Variants in EFHD2 observed in about 807,000 individuals in gnomAD.
The protein encoded by EFHD2 is EF-hand domain-containing protein D2.
In EFHD2, 12 loss-of-function variants were observed where a neutral mutation model predicts 20.3. The ratio of observed to expected loss-of-function variants is 0.59; its 90% CI spans 0.38 to 0.96. The LOEUF (loss-of-function observed/expected upper bound fraction) is 0.96, where lower values mean the gene tolerates loss of function less well. Ranked by LOEUF, EFHD2 falls within the 40% of genes least tolerant of loss-of-function variation. EFHD2 has a pLI of 0.00. For synonymous variants in EFHD2, 131 were observed against 143.9 expected, an observed-to-expected ratio of 0.91 and a Z score of 0.64; for missense variants, 250 against 334.3, an observed-to-expected ratio of 0.75 and a Z score of 1.97.
rs57589251 is a variant in EFHD2, at chr1:15,417,981, CTTTTTTT to C, written c.308+7722_308+7728del. Among the ~76,000 whole-genome samples the C allele has an allele frequency of 8.6e-3, 836 of 97,046 alleles. 7 individuals carry two copies. Among genetic ancestry groups the C allele is most frequent in the Non-Finnish European group, 0.014 (660 of 48,566 alleles). 63.7% of individuals were successfully genotyped at this position (97,046 alleles called of 152,430 possible). A position where few individuals can be genotyped will look rare whatever the true frequency, so the allele number is the denominator to read the frequency against. On this transcript the variant is annotated intron_variant, in intron 1 of 3. Transcript: ENST00000375980. ...ACGAGGAGCAACTTTCTTTCTTTTT[CTTTTTTT>C]TTTTTTTTTTTTTTTTTTTGAGACA...
rs1707922864 is a variant in EFHD2, at chr1:15,429,099, C to T, written c.*375C>T. ...TGCCCTCCACACATCCCTGTCCCCC[C>T]AACCCGGGAACCCCTGCCCTCCTCC... On this transcript the variant is annotated 3_prime_UTR_variant, in exon 4 of 4. Transcript: ENST00000375980. The T allele has an allele frequency of 2.1e-5, 5 of 233,326 alleles. 1 individual carries two copies. Among genetic ancestry groups the T allele is most frequent in the South Asian group, 1.5e-4 (3 of 19,586 alleles). 14.5% of individuals were successfully genotyped at this position (233,326 alleles called of 1,614,324 possible). A position where few individuals can be genotyped will look rare whatever the true frequency, so the allele number is the denominator to read the frequency against.
At chr1:15,412,036 C>T (rs1707536470) in intron 1 of EFHD2, among the ~76,000 whole-genome samples, 1 of 152,076 alleles carries the variant, frequency 6.6e-6, no homozygotes, top group Admixed American at 6.5e-5. Flanking sequence ...CCTTGACCCC[C>T]GGCCCCTCTG....
intron 1 of EFHD2, among the ~76,000 whole-genome samples, chr1:15,420,911 G>A (rs909754756): frequency 3.3e-5 from 5 of 152,060 alleles, no homozygotes; most frequent in African/African-American, 1.2e-4. Context: ...CAAAGTGCTG[G>A]CATTATAGAC....
At chr1:15,421,119 G>T (rs1037999561) in intron 1 of EFHD2, among the ~76,000 whole-genome samples, 1 of 152,130 alleles carries the variant, frequency 6.6e-6, no homozygotes, top group Non-Finnish European at 1.5e-5. Context: ...TGATCTCCAT[G>T]ATGTAGATGA....
chr1:15,412,848 T>C (rs1311208489), intron 1 of EFHD2, among the ~76,000 whole-genome samples: 1 of 152,212 alleles, frequency 6.6e-6, no homozygotes, highest in Non-Finnish European at 1.5e-5. Flanking sequence ...AGAGGTACTC[T>C]GAGGGCGACT....
At chr1:15,418,542 T>G (rs1329402539) in intron 1 of EFHD2, among the ~76,000 whole-genome samples, 1 of 151,934 alleles carries the variant, frequency 6.6e-6, no homozygotes, top group Non-Finnish European at 1.5e-5. Context: ...CCTGACCTTG[T>G]GATCCGCCCG....
chr1:15,409,969 A>T lies in EFHD2; in HGVS notation c.-3A>T. On this transcript the variant is annotated 5_prime_UTR_variant, in exon 1 of 4. Coordinates refer to ENST00000375980, the MANE Select transcript of EFHD2 (RefSeq NM_024329.6). ...GGCCAAGGCGAGTGCCGCGCGGGCC[A>T]CCATGGCCACGGACGAGCTGGCCAC... 8.1e-7 allele frequency: 1 copy of T among 1,238,402 alleles called. No individual in the cohort carries two copies. The highest frequency in any genetic ancestry group is 3.6e-5 in the South Asian group (1 of 27,912). 76.7% of individuals were successfully genotyped at this position (1,238,402 alleles called of 1,614,324 possible).
intron 1 of EFHD2, among the ~76,000 whole-genome samples, chr1:15,423,414 C>T (rs945776506): frequency 2.6e-5 from 4 of 152,198 alleles, no homozygotes; most frequent in South Asian, 2.1e-4. Flanking sequence ...TTATACCCCT[C>T]GCACAAATGC....
intron 1 of EFHD2, among the ~76,000 whole-genome samples, chr1:15,419,039 C>T (rs1427745175): frequency 1.3e-5 from 2 of 152,244 alleles, no homozygotes; most frequent in Non-Finnish European, 2.9e-5. Context: ...TAGATTATGA[C>T]GTGGGGCTCA....
intron 1 of EFHD2, among the ~76,000 whole-genome samples, chr1:15,424,544 T>C (rs2103278879): frequency 6.6e-6 from 1 of 152,156 alleles, no homozygotes; most frequent in East Asian, 1.9e-4. Flanking sequence ...GCCCGATGCT[T>C]GTTCCCGGCT....
chr1:15,414,232 G>T (rs944805952), intron 1 of EFHD2, among the ~76,000 whole-genome samples: 1 of 152,192 alleles, frequency 6.6e-6, no homozygotes, highest in Non-Finnish European at 1.5e-5. Flanking sequence ...GACACCTTAC[G>T]TCAGAGAGGC....
At chr1:15,422,454 C>A (rs1465765239) in intron 1 of EFHD2, among the ~76,000 whole-genome samples, 3 of 152,088 alleles carry the variant, frequency 2.0e-5, no homozygotes, top group Non-Finnish European at 4.4e-5. Context: ...GGCCTCCACC[C>A]ACCAGATGCC....
At position 15,427,135 on chromosome 1, in the gene EFHD2, C is replaced by T. The variant is rs777804720; in HGVS notation, c.457-15C>T. 3 of 1,610,438 alleles carry T rather than the reference C, an allele frequency of 1.9e-6. No individual in the cohort carries two copies. Among genetic ancestry groups the T allele is most frequent in the Admixed American group, 3.3e-5 (2 of 59,796 alleles). ...CCTCCCTTCCTGACACCGCGCGCCT[C>T]CCTCCCCGCTGCAGTTCCTCCTGAT... On this transcript the variant is annotated splice_polypyrimidine_tract_variant and intron_variant, in intron 2 of 3. Coordinates refer to ENST00000375980, the MANE Select transcript of EFHD2 (RefSeq NM_024329.6).
Position 15,428,809 on chromosome 1 carries a change from T to G in EFHD2, c.*85T>G, listed in dbSNP as rs1398057041. 7 of 1,534,640 alleles carry G rather than the reference T, an allele frequency of 4.6e-6. No homozygotes were observed. Among genetic ancestry groups the G allele is most frequent in the African/African-American group, 1.4e-5 (1 of 72,690 alleles). On this transcript the variant is annotated 3_prime_UTR_variant, in exon 4 of 4. Transcript: ENST00000375980. ...GGGAGGCCGAGCCTGAATCCTTGCC[T>G]GTGTCTGACGGGACCACTACTAAAA...
intron 1 of EFHD2, among the ~76,000 whole-genome samples, chr1:15,412,558 G>A (rs899047469): frequency 1.3e-5 from 2 of 152,260 alleles, no homozygotes; most frequent in Middle Eastern, 3.4e-3. Flanking sequence ...ACCCGCTTCC[G>A]TGTTCGTGGC....
At chr1:15,410,893 C>T (rs1231410933) in intron 1 of EFHD2, among the ~76,000 whole-genome samples, 1 of 152,150 alleles carries the variant, frequency 6.6e-6, no homozygotes, top group East Asian at 1.9e-4. Flanking sequence ...CCCCAACTTC[C>T]TCTCCAGTTA....
At chr1:15,418,523 T>G (rs1707726424) in intron 1 of EFHD2, among the ~76,000 whole-genome samples, 1 of 151,464 alleles carries the variant, frequency 6.6e-6, no homozygotes, top group Admixed American at 6.6e-5. Flanking sequence ...GCCAGGATGG[T>G]CTCAATCTCC....
rs372676175 is a variant in EFHD2 at position 15,426,026 on chromosome 1, C to T, written c.456+8C>T. The stretch of plus-strand genomic sequence containing the variant: ...AAGCTGAGCTTCCGGGAGGTAAGCC[C>T]GGCCCCCAGCCCCACTCCCCTACCA... On this transcript the variant is annotated splice_region_variant and intron_variant, in intron 2 of 3. Transcript: ENST00000375980. The surrounding 1 kb of genome is among the most constrained non-coding windows in gnomAD (Gnocchi z 4.6). The T allele has an allele frequency of 6.3e-5, 99 of 1,567,082 alleles. No individual in the cohort carries two copies. Among genetic ancestry groups the T allele is most frequent in the East Asian group, 3.1e-4 (13 of 41,414 alleles).
In EFHD2 at chr1:15,410,070, A is replaced by G. The variant is rs1707435784; in HGVS notation, c.99A>G (p.Ala33=). ...ETPEQPGLNG[A]AAAAAGAPDE... is the part of the protein sequence containing the mutation. ...CGGAGCAGCCCGGGCTGAACGGGGC[A>G]GCGGCGGCGGCGGCGGGGGCACCCG... is the stretch of plus-strand genomic sequence containing the variant. The change falls in exon 1 of 4, where the codon GCA becomes GCG. Residue 33 remains alanine, a synonymous_variant. Transcript: ENST00000375980. 10 of 1,377,258 alleles carry G rather than the reference A, an allele frequency of 7.3e-6. No individual in the cohort carries two copies. Among genetic ancestry groups the G allele is most frequent in the East Asian group, 3.1e-5 (1 of 31,962 alleles). The allele number at this position is 1,377,258 out of a possible 1,614,324, so 85.3% of individuals were successfully genotyped here.
Sources: allele counts gnomAD v4.1 joint callset (sites outside exome capture counted in the v4.1 genomes callset), GRCh38; gene constraint gnomAD v4.1.1; non-coding constraint Gnocchi (gnomAD v3.1); transcripts MANE v1.5; gene names NCBI Gene and HGNC (gene_info 2026-07-23, HGNC 2026-07-21).